Variants in UMAD1 observed in about 807,000 individuals in gnomAD.
UMAD1 encodes the protein UBAP1-MVB12-associated (UMA)-domain containing protein 1.
In UMAD1, 8 loss-of-function variants were observed where a neutral mutation model predicts 6.1. The ratio of observed to expected loss-of-function variants is 1.30; its 90% CI spans 0.76 to 2.35. The LOEUF (loss-of-function observed/expected upper bound fraction) is 2.35, where lower values mean the gene tolerates loss of function less well. Among genes scored for constraint, UMAD1 ranks in the 30% most tolerant of loss-of-function variants. UMAD1 has a pLI of 0.00. For synonymous variants in UMAD1, 56 were observed against 31.4 expected (o/e 1.78, Z -2.61); for missense variants, 130 against 78.4 (o/e 1.66, Z -2.49).
chr7:7,735,533 C>T (rs77218571), intron 2 of UMAD1, among the ~76,000 whole-genome samples: 17,180 of 151,962 alleles, frequency 0.11, 1,008 homozygotes, highest in African/African-American at 0.15. Flanking sequence ...CCTCAGCCTC[C>T]CGAGTAGCTG....
At chr7:7,789,457 T>A (rs1260536082) in intron 2 of UMAD1, among the ~76,000 whole-genome samples, 1 of 151,450 alleles carries the variant, frequency 6.6e-6, no homozygotes, top group Non-Finnish European at 1.5e-5. Context: ...ATCTTATTTC[T>A]TTAATTTTTT....
intron 2 of UMAD1, among the ~76,000 whole-genome samples, chr7:7,708,041 A>G (rs1195949075): frequency 6.6e-6 from 1 of 152,186 alleles, no homozygotes; most frequent in Admixed American, 6.6e-5. Flanking sequence ...AATTTGCTTC[A>G]TTAAGGTCTG....
chr7:7,787,659 T>C (rs1338235212), intron 2 of UMAD1, among the ~76,000 whole-genome samples: 1 of 152,202 alleles, frequency 6.6e-6, no homozygotes, highest in African/African-American at 2.4e-5. Context: ...GTCTACAGAA[T>C]ACCAGAGACC....
intron 2 of UMAD1, chr7:7,686,018 G>T (rs534313937): frequency 6.6e-6 from 1 of 152,242 alleles, no homozygotes; most frequent in African/African-American, 2.4e-5. Flanking sequence ...CAGAATTTTG[G>T]GAGCTATAGC....
intron 1 of UMAD1, among the ~76,000 whole-genome samples, chr7:7,672,934 C>T (rs1379677823): frequency 2.0e-5 from 3 of 152,120 alleles, no homozygotes; most frequent in African/African-American, 4.8e-5. Flanking sequence ...GACAAGAAAC[C>T]TGGACAGGTC....
At chr7:7,718,377 C>A (rs2115180286) in intron 2 of UMAD1, 1 of 152,318 alleles carries the variant, frequency 6.6e-6, no homozygotes, top group East Asian at 1.9e-4. Flanking sequence ...ATATTCCCAG[C>A]ACTAGCATGG....
intron 3 of UMAD1, among the ~76,000 whole-genome samples, chr7:7,860,590 G>T (rs1226987312): frequency 1.0e-5 from 1 of 95,470 alleles, no homozygotes; most frequent in African/African-American, 3.3e-5. Context: ...GAAACCCTGT[G>T]TCTACTAAAA....
chr7:7,657,286 T>C (rs1156848472), intron 1 of UMAD1, among the ~76,000 whole-genome samples: 1 of 152,226 alleles, frequency 6.6e-6, no homozygotes, highest in Non-Finnish European at 1.5e-5. Flanking sequence ...GATGATAGTT[T>C]CTTTTGCTGT....
intron 2 of UMAD1, among the ~76,000 whole-genome samples, chr7:7,678,325 C>A (rs1021335764): frequency 1.3e-5 from 2 of 150,332 alleles, no homozygotes; most frequent in Non-Finnish European, 3.0e-5. Flanking sequence ...ATTTGCATTT[C>A]TCTGATGATC....
At chr7:7,643,372 C>T (rs1785018479) in intron 1 of UMAD1, among the ~76,000 whole-genome samples, 1 of 152,194 alleles carries the variant, frequency 6.6e-6, no homozygotes, top group African/African-American at 2.4e-5. Flanking sequence ...TGCCGGCAGC[C>T]TATCCTAAGG....
chr7:7,707,886 A>G (rs1428340896), intron 2 of UMAD1, among the ~76,000 whole-genome samples: 1 of 152,180 alleles, frequency 6.6e-6, no homozygotes, highest in Non-Finnish European at 1.5e-5. Context: ...AAACCCAAAC[A>G]TTGAGGCTGC....
At chr7:7,698,870 C>CTTTTT (rs57968079) in intron 2 of UMAD1, among the ~76,000 whole-genome samples, 8 of 131,956 alleles carry the variant, frequency 6.1e-5, no homozygotes, top group South Asian at 2.4e-4. Context: ...ACCCTCTTGT[C>CTTTTT]TTTTTTTTTT....
chr7:7,857,433 C>T lies in UMAD1; in HGVS notation c.157-19848C>T, dbSNP rs922404592. Among the ~76,000 whole-genome samples, 24 of 152,332 alleles carry T rather than the reference C, an allele frequency of 1.6e-4. 1 individual carries two copies. The highest frequency in any genetic ancestry group is 5.5e-4 in the African/African-American group (23 of 41,578). ...AGATTGCAGCCTAGGTCCCAACCAT[C>T]TGGCACTTTCTTGCCATTGCTTGCC... On this transcript the variant is annotated intron_variant, in intron 3 of 3. Transcript: ENST00000682710.
intron 2 of UMAD1, among the ~76,000 whole-genome samples, chr7:7,746,775 C>T (rs1029411565): frequency 1.3e-5 from 2 of 152,188 alleles, no homozygotes; most frequent in East Asian, 1.9e-4. Flanking sequence ...TATCTTAATT[C>T]GCTAAAAAGG....
chr7:7,644,281 T>C (rs1785045431), intron 1 of UMAD1, among the ~76,000 whole-genome samples: 1 of 152,084 alleles, frequency 6.6e-6, no homozygotes, highest in African/African-American at 2.4e-5. Flanking sequence ...AGCTTTTTAT[T>C]AGTGAGATAT....
chr7:7,804,176 G>C (rs917244867), intron 3 of UMAD1, among the ~76,000 whole-genome samples: 1 of 152,150 alleles, frequency 6.6e-6, no homozygotes, highest in Admixed American at 6.5e-5. Flanking sequence ...GACAGTGTTT[G>C]CTATCAGACA....
chr7:7,736,174 C>G (rs939401137), intron 2 of UMAD1: 6 of 152,246 alleles, frequency 3.9e-5, no homozygotes, highest in Admixed American at 3.3e-4. Flanking sequence ...TCTTAGTAGT[C>G]ATTTCTCTCT....
At chr7:7,674,582 A>C (rs1180022875) in intron 2 of UMAD1, among the ~76,000 whole-genome samples, 1 of 152,166 alleles carries the variant, frequency 6.6e-6, no homozygotes, top group Non-Finnish European at 1.5e-5. Flanking sequence ...TGAGGTAAAA[A>C]TAGTGGGGCT....
At chr7:7,739,462 T>C (rs901617874) in intron 2 of UMAD1, among the ~76,000 whole-genome samples, 2 of 152,202 alleles carry the variant, frequency 1.3e-5, no homozygotes, top group Non-Finnish European at 2.9e-5. Context: ...AACAAGTGGT[T>C]TTTTGAAGTA....
Sources: gnomAD v4.1 joint callset for allele counts (sites outside exome capture counted in the v4.1 genomes callset) on GRCh38, gnomAD v4.1.1 for gene constraint, MANE v1.5 for transcripts, NCBI Gene and HGNC (gene_info 2026-07-23, HGNC 2026-07-21) for gene names.